The following CLEC19A variants were observed in gnomAD, a reference collection of about 807,000 sequenced individuals.
CLEC19A encodes the protein C-type lectin domain containing 19A, also known as C-type lectin domain family 19 member A.
In CLEC19A, 21 loss-of-function variants were observed where a neutral mutation model predicts 26.1. The observed-to-expected ratio is 0.80, with a 90% CI of 0.57 to 1.16. The LOEUF (loss-of-function observed/expected upper bound fraction) is 1.16, where lower values mean the gene tolerates loss of function less well. CLEC19A is among the 50% of genes most tolerant of loss of function. The pLI, the probability that CLEC19A is intolerant of heterozygous loss-of-function variation, is 0.00. For missense variants in CLEC19A, 224 were observed against 227.6 expected, an observed-to-expected ratio of 0.98 and a Z score of 0.10; for synonymous variants, 89 against 88.6, an observed-to-expected ratio of 1.00 and a Z score of -0.03.
chr16:19,307,253 A>T (rs1054207707), intron 3 of CLEC19A, among the ~76,000 whole-genome samples: 14 of 152,238 alleles, frequency 9.2e-5, no homozygotes, highest in African/African-American at 3.1e-4. Context: ...CAGTTTTCTT[A>T]TCTGTAAAAT....
At chr16:19,304,030 G>A (rs1472991562) in intron 2 of CLEC19A, 32 bp from the exon 3 acceptor site, 1 of 1,511,082 alleles carries the variant, frequency 6.6e-7, no homozygotes, top group Non-Finnish European at 9.0e-7. Flanking sequence ...GAGGCCATGA[G>A]GAATCAGCTA....
intron 1 of CLEC19A, among the ~76,000 whole-genome samples, chr16:19,297,945 T>C (rs1203208689): frequency 6.6e-6 from 1 of 152,136 alleles, no homozygotes; most frequent in Non-Finnish European, 1.5e-5. Context: ...TTTACTTTCA[T>C]TCTTAAAAGT....
rs1897450395 is a variant in CLEC19A at position 19,285,818 on chromosome 16, C to T, written c.-34C>T. 1 of 1,542,308 alleles carries T rather than the reference C, an allele frequency of 6.5e-7. No homozygotes were observed. Among genetic ancestry groups the T allele is most frequent in the Non-Finnish European group, 8.8e-7 (1 of 1,139,778 alleles). ...CCAGCCAAAAAGCCTCTCTCCTCCA[C>T]TCAGGCTGGGAGGTTGCTTTCTAGG... On this transcript the variant is annotated 5_prime_UTR_variant, in exon 1 of 5. Transcript: ENST00000636231.
chr16:19,309,767 C>T lies in CLEC19A; in HGVS notation c.*684C>T, dbSNP rs1898032719. ...CCAGTCCCCAGAGTAGGTGGGACTA[C>T]AGGACGCTACAGGCGCATGCCACCA... On this transcript the variant is annotated 3_prime_UTR_variant, in exon 5 of 5. Coordinates refer to ENST00000636231, the MANE Select transcript of CLEC19A (RefSeq NM_001256720.2). 6.6e-6 allele frequency: 1 copy of T among 151,958 alleles called. No individual in the cohort carries two copies. Among genetic ancestry groups the T allele is most frequent in the Middle Eastern group, 3.4e-3 (1 of 294 alleles). 9.4% of individuals were successfully genotyped at this position (151,958 alleles called of 1,614,324 possible).
chr16:19,287,695 G>C (rs1897502146), intron 1 of CLEC19A, among the ~76,000 whole-genome samples: 1 of 152,200 alleles, frequency 6.6e-6, no homozygotes, highest in Non-Finnish European at 1.5e-5. Flanking sequence ...TCCTTCACTA[G>C]CTTGTGCCCA....
intron 2 of CLEC19A, among the ~76,000 whole-genome samples, chr16:19,300,093 G>A (rs1183455135): frequency 6.6e-6 from 1 of 151,892 alleles, no homozygotes; most frequent in African/African-American, 2.4e-5. Context: ...GTGCAGTGGA[G>A]GGCACCTGTA....
chr16:19,301,766 T>TTTTTTTTTTTTTTTTTTA (rs1291095115), intron 2 of CLEC19A, among the ~76,000 whole-genome samples: 2 of 116,096 alleles, frequency 1.7e-5, no homozygotes, highest in African/African-American at 3.2e-5. Flanking sequence ...TTTTTTTTTG[T>TTTTTTTTTTTTTTTTTTA]ATTTTTAGCA....
Position 19,285,954 on chromosome 16 carries a change from C to T in CLEC19A, c.88+15C>T. Reference sequence around the variant, plus strand: ...TATCAGTCCAGGTAAGTGCAGGGACCAGGGCTGGGAGCAGGTGGAGAGGAG... The same window carrying T: ...TATCAGTCCAGGTAAGTGCAGGGACTAGGGCTGGGAGCAGGTGGAGAGGAG... On this transcript the variant is annotated intron_variant, in intron 1 of 4. Coordinates refer to ENST00000636231, the MANE Select transcript of CLEC19A (RefSeq NM_001256720.2). 1 of 1,549,382 alleles carries T rather than the reference C, an allele frequency of 6.5e-7. No homozygotes were observed. The highest frequency in any genetic ancestry group is 8.7e-7 in the Non-Finnish European group (1 of 1,146,006).
chr16:19,298,561 G>A (rs1897752380), intron 1 of CLEC19A, 112 bp from the exon 2 acceptor site: 5 of 1,148,576 alleles, frequency 4.4e-6, no homozygotes, highest in Non-Finnish European at 6.0e-6. Flanking sequence ...ACGAGACCCT[G>A]TCTCTTAAAA....
At chr16:19,303,966 G>C (rs1897890099) in intron 2 of CLEC19A, 96 bp from the exon 3 acceptor site, 16 of 1,007,428 alleles carry the variant, frequency 1.6e-5, no homozygotes, top group Non-Finnish European at 2.3e-5. Flanking sequence ...ATTTACTTTG[G>C]TCCAGGAAGG....
chr16:19,308,507 C>G (rs77045054), intron 4 of CLEC19A, among the ~76,000 whole-genome samples: 2,155 of 152,338 alleles, frequency 0.014, 42 homozygotes, highest in African/African-American at 0.031. Flanking sequence ...TGAATCATCA[C>G]TTTCACACCA....
chr16:19,292,013 G>T (rs1483242938), intron 1 of CLEC19A, among the ~76,000 whole-genome samples: 2 of 152,208 alleles, frequency 1.3e-5, no homozygotes, highest in African/African-American at 2.4e-5. Context: ...GGAGCAGACA[G>T]GGTTGGAGGC....
intron 1 of CLEC19A, among the ~76,000 whole-genome samples, chr16:19,289,541 C>T (rs1052139921): frequency 9.9e-5 from 15 of 152,226 alleles, no homozygotes; most frequent in African/African-American, 3.6e-4. Flanking sequence ...TGCTCTGCCA[C>T]TTTTGAGCCA....
chr16:19,303,412 T>C (rs1346749785), intron 2 of CLEC19A, among the ~76,000 whole-genome samples: 1 of 152,204 alleles, frequency 6.6e-6, no homozygotes, highest in African/African-American at 2.4e-5. Context: ...GGGAGTGGAC[T>C]CTCACCAGGG....
chr16:19,299,476 T>A (rs1333298473), intron 2 of CLEC19A, among the ~76,000 whole-genome samples: 1 of 152,148 alleles, frequency 6.6e-6, no homozygotes, highest in Non-Finnish European at 1.5e-5. Flanking sequence ...TAGCCCACCC[T>A]CCAAGGCCTC....
At chr16:19,297,633 A>G (rs1384561870) in intron 1 of CLEC19A, among the ~76,000 whole-genome samples, 1 of 152,252 alleles carries the variant, frequency 6.6e-6, no homozygotes, top group Non-Finnish European at 1.5e-5. Context: ...CACTCAGTAG[A>G]GGATTCAAGA....
At chr16:19,286,022 TC>T in intron 1 of CLEC19A, 83 bp downstream of exon 1, 1 of 1,375,908 alleles carries the variant, frequency 7.3e-7, no homozygotes, top group Non-Finnish European at 1.0e-6. Context: ...CCTGGCAGCT[TC>T]TGTTGGGGGG....
Position 19,298,751 on chromosome 16 carries a change from C to T in CLEC19A, c.167C>T (p.Pro56Leu), listed in dbSNP as rs1477510340. ...AAAGGCCACTGCTATCGATTCTTCC[C>T]TCTCAATAAGACCTGGGCTGAGGCC... ...EFKGHCYRFF[P>L]LNKTWAEADL... is the part of the protein sequence containing the mutation. The change falls in exon 2 of 5, where the codon CCT becomes CTT. Residue 56 changes from proline (P) to leucine (L), a missense_variant. Transcript: ENST00000636231. 2.6e-5 allele frequency: 41 copies of T among 1,550,890 alleles called. No individual in the cohort carries two copies. Among genetic ancestry groups the T allele is most frequent in the Non-Finnish European group, 3.1e-5 (36 of 1,147,116 alleles).
At chr16:19,302,829 C>T (rs139975062) in intron 2 of CLEC19A, among the ~76,000 whole-genome samples, 3 of 152,284 alleles carry the variant, frequency 2.0e-5, no homozygotes, top group Admixed American at 6.5e-5. Flanking sequence ...GCAGCAGTTC[C>T]AAGTTTTGCG....
Sources: allele counts gnomAD v4.1 joint callset (sites outside exome capture counted in the v4.1 genomes callset), GRCh38; gene constraint gnomAD v4.1.1; transcripts MANE v1.5; gene names NCBI Gene and HGNC (gene_info 2026-07-23, HGNC 2026-07-21).